Variants in TUBGCP3 observed in about 807,000 individuals in gnomAD.
The protein encoded by TUBGCP3 is gamma-tubulin complex component 3.
A neutral mutation model predicts 123.1 loss-of-function variants in TUBGCP3; 50 were observed. The observed-to-expected ratio is 0.41, with a 90% confidence interval of 0.32 to 0.51. The LOEUF (loss-of-function observed/expected upper bound fraction) is 0.51. Among genes scored for constraint, TUBGCP3 ranks in the 20% least tolerant of loss-of-function variants. The pLI, the probability that TUBGCP3 is intolerant of heterozygous loss-of-function variation, is 0.36. For synonymous variants in TUBGCP3, 405 were observed against 413.9 expected (o/e 0.98, Z 0.26); for missense variants, 882 against 1,127.0 (o/e 0.78, Z 3.11).
chr13:112,556,115 T>C lies in TUBGCP3; in HGVS notation c.658A>G (p.Lys220Glu). The change falls in exon 6 of 22, where the codon AAA becomes GAA. Residue 220 changes from lysine to glutamate, a missense_variant. Transcript: ENST00000261965. ...CGAGACACAGCACTGGGGACACCTT[T>C]TGAGGTAGTGGCTTGTGAAGAAGGC... ...NQPSSQATTS[K>E]GVPSAVSRNM... 1 of 1,614,146 alleles carries C rather than the reference T, an allele frequency of 6.2e-7. No homozygotes were observed. Among genetic ancestry groups the C allele is most frequent in the Admixed American group, 1.7e-5 (1 of 60,014 alleles).
chr13:112,576,491 C>T (rs1397228861), intron 1 of TUBGCP3, among the ~76,000 whole-genome samples: 1 of 152,086 alleles, frequency 6.6e-6, no homozygotes, highest in Non-Finnish European at 1.5e-5. Flanking sequence ...CAGGTTTTCT[C>T]ACCACACACA....
At chr13:112,547,274 T>G in intron 10 of TUBGCP3, 1 of 398,802 alleles carries the variant, frequency 2.5e-6, no homozygotes. Flanking sequence ...GAGAGAAATC[T>G]TTAAACACGA....
intron 1 of TUBGCP3, among the ~76,000 whole-genome samples, chr13:112,575,081 CA>C (rs1406916213): frequency 6.6e-6 from 1 of 152,218 alleles, no homozygotes; most frequent in African/African-American, 2.4e-5. Context: ...AACTCCATCA[CA>C]AGGCTGGCAG....
the TUBGCP3 span, among the ~76,000 whole-genome samples, chr13:112,593,754 A>G: frequency 1.3e-5 from 2 of 152,190 alleles, no homozygotes; most frequent in African/African-American, 4.8e-5. Context: ...GAAGAAACTA[A>G]AAGAAGTTGA....
intron 17 of TUBGCP3, among the ~76,000 whole-genome samples, chr13:112,505,277 G>A (rs1207963470): frequency 6.6e-6 from 1 of 152,174 alleles, no homozygotes; most frequent in South Asian, 2.1e-4. Flanking sequence ...TTCTCTGCTC[G>A]CACTTTTAAT....
At chr13:112,556,313 T>A (rs769222662) in intron 5 of TUBGCP3, 89 bp from the exon 6 acceptor site, 2 of 1,244,276 alleles carry the variant, frequency 1.6e-6, no homozygotes, top group African/African-American at 3.0e-5. Flanking sequence ...ATTACTATCG[T>A]GAATTACATA....
chr13:112,599,583 T>A, the TUBGCP3 span, among the ~76,000 whole-genome samples: 1 of 152,240 alleles, frequency 6.6e-6, no homozygotes, highest in East Asian at 1.9e-4. Context: ...CTCGGCTCAC[T>A]GTAACCTCCG....
intron 13 of TUBGCP3, among the ~76,000 whole-genome samples, chr13:112,526,266 TCAC>T (rs1335046238): frequency 1.4e-5 from 2 of 147,224 alleles, no homozygotes; most frequent in Non-Finnish European, 3.0e-5. Flanking sequence ...ATCACCATCA[TCAC>T]CACCATCATC....
intron 19 of TUBGCP3, among the ~76,000 whole-genome samples, chr13:112,502,679 G>A (rs1722982663): frequency 1.3e-5 from 2 of 151,154 alleles, no homozygotes; most frequent in Admixed American, 1.3e-4. Flanking sequence ...CCCAGTAGCT[G>A]GGAGTACAGG....
At chr13:112,572,425 C>T (rs376912764) in intron 1 of TUBGCP3, among the ~76,000 whole-genome samples, 3 of 152,116 alleles carry the variant, frequency 2.0e-5, no homozygotes, top group South Asian at 2.1e-4. Flanking sequence ...CCTCACCCCC[C>T]ACCCTCCAAC....
chr13:112,516,012 T>C (rs1490552694), intron 17 of TUBGCP3, among the ~76,000 whole-genome samples: 1 of 152,228 alleles, frequency 6.6e-6, no homozygotes, highest in Non-Finnish European at 1.5e-5. Flanking sequence ...GACTTCAAAA[T>C]TACTTGTAAT....
the TUBGCP3 span, chr13:112,603,760 A>T: frequency 3.3e-5 from 5 of 152,314 alleles, no homozygotes; most frequent in Non-Finnish European, 7.3e-5. Flanking sequence ...AACAGTCACA[A>T]ATTTATCATG....
At chr13:112,500,669 G>A (rs1880843201) in intron 19 of TUBGCP3, among the ~76,000 whole-genome samples, 1 of 152,224 alleles carries the variant, frequency 6.6e-6, no homozygotes, top group Admixed American at 6.5e-5. Context: ...GATAACAGGA[G>A]AGGTTCCAAG....
Position 112,500,915 on chromosome 13 carries a change from T to C in TUBGCP3, c.2308-1730A>G, listed in dbSNP as rs576705592. Among the ~76,000 whole-genome samples, 6 of 152,368 alleles carry C rather than the reference T, an allele frequency of 3.9e-5. No individual in the cohort carries two copies. The South Asian group carries it at 1.2e-3, about 32-fold the overall frequency. On this transcript the variant is annotated intron_variant, in intron 19 of 21. Transcript: ENST00000261965. ...ACAGCAGCACCGTTCAGAGTTGAAC[T>C]GATGTCTGATCTCAAGTGAGACAAA...
chr13:112,547,521 G>A lies in TUBGCP3; in HGVS notation c.1168+99C>T, dbSNP rs754886247. On this transcript the variant is annotated intron_variant, in intron 10 of 21. Coordinates refer to ENST00000261965, the MANE Select transcript of TUBGCP3 (RefSeq NM_006322.6). ...TGCCAGACGCGCGTGGGAAAGACGC[G>A]CGTGGGAAAGACGTGCATGGGAAAG... is the stretch of plus-strand genomic sequence containing the variant. The A allele has an allele frequency of 2.1e-5, 28 of 1,344,664 alleles. No individual in the cohort carries two copies. Among genetic ancestry groups the A allele is most frequent in the East Asian group, 8.1e-5 (3 of 36,990 alleles). The allele number at this position is 1,344,664 out of a possible 1,614,324, so 83.3% of individuals were successfully genotyped here. A position where few individuals can be genotyped will look rare whatever the true frequency, so the allele number is the denominator to read the frequency against.
upstream of TUBGCP3, among the ~76,000 whole-genome samples, chr13:112,592,833 G>T (rs945137744): frequency 2.0e-5 from 3 of 152,192 alleles, no homozygotes; most frequent in Non-Finnish European, 4.4e-5. The surrounding 1 kb of genome is among the most constrained non-coding windows in gnomAD (Gnocchi z 4.1). Flanking sequence ...CACACCATGA[G>T]GCAGCCAGGT....
At chr13:112,532,732 A>C (rs182069825) in intron 11 of TUBGCP3, among the ~76,000 whole-genome samples, 3 of 152,358 alleles carry the variant, frequency 2.0e-5, no homozygotes, top group Non-Finnish European at 4.4e-5. Flanking sequence ...CTTTTCCCCA[A>C]ATGCTGAAAG....
the TUBGCP3 span, chr13:112,603,908 T>C: frequency 1.3e-5 from 2 of 152,236 alleles, no homozygotes; most frequent in African/African-American, 4.8e-5. Context: ...TCTTGATTGA[T>C]ATCGATAATT....
intron 11 of TUBGCP3, chr13:112,544,470 A>AAT (rs1878821983): frequency 6.6e-6 from 1 of 151,186 alleles, no homozygotes; most frequent in African/African-American, 2.4e-5. Flanking sequence ...AAAAAAAAAA[A>AAT]AAAAAAATGC....
Sources: gnomAD v4.1 joint callset for allele counts (sites outside exome capture counted in the v4.1 genomes callset) on GRCh38, gnomAD v4.1.1 for gene constraint, Gnocchi (gnomAD v3.1) non-coding constraint, MANE v1.5 for transcripts, NCBI Gene and HGNC (gene_info 2026-07-23, HGNC 2026-07-21) for gene names.